KCNH1: variants seen among roughly 807,000 people sequenced by gnomAD.
KCNH1 encodes voltage-gated delayed rectifier potassium channel KCNH1.
A neutral mutation model predicts 69.2 loss-of-function variants in KCNH1; 27 were observed. That is an observed-to-expected ratio of 0.39 (90% CI 0.29 to 0.54). KCNH1 has a LOEUF of 0.54. Among genes scored for constraint, KCNH1 ranks in the 20% least tolerant of loss-of-function variants. KCNH1 has a pLI of 0.68. For synonymous variants in KCNH1, 456 were observed against 487.7 expected (o/e 0.93, Z 0.86); for missense variants, 798 against 1,261.6 (o/e 0.63, Z 5.57).
At chr1:210,943,852 C>G (rs749646016) in intron 6 of KCNH1, among the ~76,000 whole-genome samples, 14 of 152,174 alleles carry the variant, frequency 9.2e-5, no homozygotes, top group South Asian at 4.1e-4. Flanking sequence ...TGAAGACAGG[C>G]AGAATGGTGT....
intron 6 of KCNH1, among the ~76,000 whole-genome samples, chr1:210,924,830 A>G (rs577776381): frequency 2.6e-5 from 4 of 152,148 alleles, no homozygotes; most frequent in East Asian, 1.9e-4. Context: ...GAAAATCCAC[A>G]TCACTGCTTC....
intron 7 of KCNH1, among the ~76,000 whole-genome samples, chr1:210,840,329 C>A (rs966803569): frequency 6.6e-6 from 1 of 152,048 alleles, no homozygotes; most frequent in African/African-American, 2.4e-5. Flanking sequence ...CAGTTGTTCT[C>A]CTGATTGCTT....
intron 6 of KCNH1, among the ~76,000 whole-genome samples, chr1:211,012,466 T>G (rs1379948776): frequency 6.6e-6 from 1 of 152,190 alleles, no homozygotes. Flanking sequence ...TTCTGCAATT[T>G]TAAAAAAGTT....
intron 9 of KCNH1, 76 bp downstream of exon 9, chr1:210,797,432 T>C: frequency 6.7e-7 from 1 of 1,502,378 alleles, no homozygotes. Context: ...TAACTGAAGG[T>C]GGCAGTGGCA....
chr1:211,061,845 T>C (rs1037863337), intron 5 of KCNH1, among the ~76,000 whole-genome samples: 4 of 152,182 alleles, frequency 2.6e-5, no homozygotes, highest in African/African-American at 9.7e-5. Context: ...AAGTATTCCA[T>C]GCCCATGAGT....
chr1:210,865,691 T>C (rs78295595), intron 7 of KCNH1, among the ~76,000 whole-genome samples: 455 of 152,322 alleles, frequency 3.0e-3, no homozygotes, highest in African/African-American at 0.01. Context: ...CTGGGCCACC[T>C]TGCTAGGCTC....
chr1:210,908,366 G>A (rs1487933473), intron 7 of KCNH1, among the ~76,000 whole-genome samples: 1 of 152,198 alleles, frequency 6.6e-6, no homozygotes, highest in Non-Finnish European at 1.5e-5. Flanking sequence ...CACTTGTTAA[G>A]GTGCTGGATT....
intron 5 of KCNH1, among the ~76,000 whole-genome samples, chr1:211,061,914 C>G (rs1195957925): frequency 6.6e-6 from 1 of 152,094 alleles, no homozygotes; most frequent in Non-Finnish European, 1.5e-5. Flanking sequence ...AAATTCAATG[C>G]AATCCCTATT....
intron 7 of KCNH1, among the ~76,000 whole-genome samples, chr1:210,891,638 T>C (rs896349834): frequency 5.9e-5 from 9 of 152,026 alleles, no homozygotes; most frequent in African/African-American, 2.2e-4. Context: ...AGTTCAACTA[T>C]TGTGGAAAAC....
At chr1:211,057,181 T>C (rs1027355718) in intron 5 of KCNH1, among the ~76,000 whole-genome samples, 6 of 152,150 alleles carry the variant, frequency 3.9e-5, no homozygotes, top group Non-Finnish European at 8.8e-5. Flanking sequence ...ATAGATTAAA[T>C]AATTTAAAAG....
At chr1:210,755,327 C>T (rs1245322267) in intron 10 of KCNH1, among the ~76,000 whole-genome samples, 1 of 82,540 alleles carries the variant, frequency 1.2e-5, no homozygotes, top group Non-Finnish European at 2.4e-5. Flanking sequence ...GCCTCCAGCA[C>T]CAGTCCAACA....
chr1:210,833,499 G>A (rs577897355), intron 7 of KCNH1, among the ~76,000 whole-genome samples: 3 of 152,254 alleles, frequency 2.0e-5, no homozygotes, highest in South Asian at 2.1e-4. Flanking sequence ...AGCTGAAACC[G>A]GATTCCTTCC....
intron 6 of KCNH1, among the ~76,000 whole-genome samples, chr1:210,949,236 T>C (rs974899606): frequency 1.3e-5 from 2 of 152,212 alleles, no homozygotes; most frequent in African/African-American, 4.8e-5. Context: ...CTAGCCCTTC[T>C]GTCCTCTGCA....
At chr1:211,119,118 T>C (rs1278811270) in intron 1 of KCNH1, among the ~76,000 whole-genome samples, 1 of 152,176 alleles carries the variant, frequency 6.6e-6, no homozygotes, top group Admixed American at 6.5e-5. Flanking sequence ...CCCAGCACTT[T>C]GGGAGGCCGA....
At chr1:210,971,434 A>C (rs1367389274) in intron 6 of KCNH1, among the ~76,000 whole-genome samples, 1 of 152,216 alleles carries the variant, frequency 6.6e-6, no homozygotes, top group African/African-American at 2.4e-5. Flanking sequence ...AAACACAGTC[A>C]TTATTGAAAA....
chr1:210,797,409 A>G (rs1684337057), intron 9 of KCNH1, 99 bp downstream of exon 9: 5 of 1,363,526 alleles, frequency 3.7e-6, no homozygotes, highest in Non-Finnish European at 5.1e-6. Flanking sequence ...GCCCTGCCCT[A>G]TGAAGCAATC....
chr1:210,874,761 G>C (rs995942368), intron 7 of KCNH1, among the ~76,000 whole-genome samples: 2 of 151,978 alleles, frequency 1.3e-5, no homozygotes, highest in African/African-American at 4.8e-5. Context: ...TAATGCCAAA[G>C]ATCATAGTGT....
chr1:210,912,734 C>T (rs1258139679), intron 7 of KCNH1, among the ~76,000 whole-genome samples: 1 of 152,158 alleles, frequency 6.6e-6, no homozygotes, highest in African/African-American at 2.4e-5. Context: ...AGGAACCTGC[C>T]AAAGGTCAAA....
At chr1:210,981,747 T>A (rs76809600) in intron 6 of KCNH1, among the ~76,000 whole-genome samples, 11,963 of 152,146 alleles carry the variant, frequency 0.079, 664 homozygotes, top group South Asian at 0.18. Flanking sequence ...TTGTGGAGAC[T>A]TTTTTTCTAC....
Sources: gnomAD v4.1 joint callset for allele counts (sites outside exome capture counted in the v4.1 genomes callset) on GRCh38, gnomAD v4.1.1 for gene constraint, MANE v1.5 for transcripts, NCBI Gene and HGNC (gene_info 2026-07-23, HGNC 2026-07-21) for gene names.